The following UGCG variants were observed in gnomAD, a reference collection of about 807,000 sequenced individuals.
UGCG encodes ceramide glucosyltransferase.
A neutral mutation model predicts 49.5 loss-of-function variants in UGCG; 10 were observed. The observed-to-expected ratio is 0.20, with a 90% CI of 0.12 to 0.34. UGCG has a LOEUF of 0.34. Ranked by LOEUF, UGCG falls within the 10% of genes least tolerant of loss-of-function variation. The pLI, the probability that UGCG is intolerant of heterozygous loss-of-function variation, is 1.00. For missense variants in UGCG, 312 were observed against 483.7 expected, an observed-to-expected ratio of 0.65 and a Z score of 3.33; for synonymous variants, 182 against 158.2, an observed-to-expected ratio of 1.15 and a Z score of -1.13.
chr9:111,904,572 AACTAGAGGCTGGGCTTGGTGGCTCAC>A (rs1837841280), intron 1 of UGCG, among the ~76,000 whole-genome samples: 1 of 152,172 alleles, frequency 6.6e-6, no homozygotes, highest in Non-Finnish European at 1.5e-5. Flanking sequence ...TAAAAAATTG[AACTAGAGGCTGGGCTTGGTGGCTCAC>A]ACCTGTAATC....
chr9:111,922,764 C>T (rs1308409375), intron 2 of UGCG, 85 bp from the exon 3 acceptor site: 16 of 872,660 alleles, frequency 1.8e-5, no homozygotes, highest in African/African-American at 3.5e-5. Context: ...CTTGTTTTTT[C>T]CTGTGCTTTT....
chr9:111,929,158 G>A (rs991329343), intron 5 of UGCG: 62 of 210,890 alleles, frequency 2.9e-4, no homozygotes, highest in Non-Finnish European at 3.4e-4. Context: ...ATACAAATAT[G>A]TATATTGATC....
chr9:111,931,236 A>T, intron 6 of UGCG, 35 bp from the exon 7 acceptor site: 1 of 1,602,052 alleles, frequency 6.2e-7, no homozygotes, highest in Non-Finnish European at 8.5e-7. Flanking sequence ...TGTGTTCATC[A>T]TCATAACTTA....
At chr9:111,920,314 T>G (rs1838198142) in intron 2 of UGCG, among the ~76,000 whole-genome samples, 1 of 152,184 alleles carries the variant, frequency 6.6e-6, no homozygotes. Flanking sequence ...GCTAACCTTC[T>G]TCATTAACCT....
intron 6 of UGCG, among the ~76,000 whole-genome samples, chr9:111,930,696 C>T (rs1274428388): frequency 6.6e-6 from 1 of 151,860 alleles, no homozygotes; most frequent in African/African-American, 2.4e-5. Flanking sequence ...TCTTGAACTC[C>T]TGACCTCGTG....
intron 1 of UGCG, among the ~76,000 whole-genome samples, chr9:111,907,405 A>AC (rs1278893333): frequency 1.3e-5 from 2 of 152,218 alleles, no homozygotes; most frequent in Non-Finnish European, 2.9e-5. Context: ...TATTCCAGAA[A>AC]CCAAGAGGGA....
At chr9:111,907,718 G>A (rs566581714) in intron 1 of UGCG, among the ~76,000 whole-genome samples, 112 of 150,772 alleles carry the variant, frequency 7.4e-4, no homozygotes, top group Non-Finnish European at 1.4e-3. Context: ...TCCGCCTCCC[G>A]GATTCAAGTG....
chr9:111,904,116 G>T (rs976382504), intron 1 of UGCG, among the ~76,000 whole-genome samples: 1 of 152,192 alleles, frequency 6.6e-6, no homozygotes, highest in African/African-American at 2.4e-5. Flanking sequence ...TCCAGCACCT[G>T]CCACCTCTTG....
rs140536783 is a variant in UGCG, at chr9:111,913,766, C to T, written c.99-839C>T. Among the ~76,000 whole-genome samples, 721 of 152,082 alleles carry T rather than the reference C, an allele frequency of 4.7e-3. 7 individuals carry two copies. Among genetic ancestry groups the T allele is most frequent in the African/African-American group, 0.016 (676 of 41,486 alleles). ...TGGCATTGCTTCTTTCATTAGGAGC[C>T]CTGCTGTGCTGCAGCATCCTTGCAA... On this transcript the variant is annotated intron_variant, in intron 1 of 8. Transcript: ENST00000374279.
At position 111,934,379 on chromosome 9, in the gene UGCG, G is replaced by T. The variant is rs150761575; in HGVS notation, c.*1382G>T. ...TTTTTTAAAAAAAAAAAACAAAAAT[G>T]TAAGGGACAGTGCATAAGCCTTTTC... On this transcript the variant is annotated 3_prime_UTR_variant, in exon 9 of 9. Coordinates refer to ENST00000374279, the MANE Select transcript of UGCG (RefSeq NM_003358.3). The T allele has an allele frequency of 1.1e-4, 16 of 151,478 alleles. No homozygotes were observed. The highest frequency in any genetic ancestry group is 1.1e-3 in the Admixed American group (16 of 15,208). 9.4% of individuals were successfully genotyped at this position (151,478 alleles called of 1,614,324 possible).
chr9:111,913,658 T>C (rs1372913168), intron 1 of UGCG, among the ~76,000 whole-genome samples: 1 of 150,290 alleles, frequency 6.7e-6, no homozygotes, highest in Admixed American at 6.6e-5. Context: ...CAGGCTGGTC[T>C]CGAACTCCTG....
chr9:111,933,348 TCTTA>T lies in UGCG; in HGVS notation c.*355_*358del, dbSNP rs1453079021. On this transcript the variant is annotated 3_prime_UTR_variant, in exon 9 of 9. Coordinates refer to ENST00000374279, the MANE Select transcript of UGCG (RefSeq NM_003358.3). ...ACAGTATCCTTCAGTAGAGAAAGTT[TCTTA>T]CTTGTGAGTACACTCTTTTAGAACA... 2 of 152,508 alleles carry T rather than the reference TCTTA, an allele frequency of 1.3e-5. No individual in the cohort carries two copies. Among genetic ancestry groups the T allele is most frequent in the African/African-American group, 4.8e-5 (2 of 41,464 alleles). 9.4% of individuals were successfully genotyped at this position (152,508 alleles called of 1,614,324 possible).
At chr9:111,909,187 T>C (rs571071013) in intron 1 of UGCG, among the ~76,000 whole-genome samples, 20 of 152,308 alleles carry the variant, frequency 1.3e-4, no homozygotes, top group Non-Finnish European at 2.1e-4. Flanking sequence ...CCCAAAGTGC[T>C]AGAATTATAA....
At chr9:111,914,960 G>A (rs552208555) in intron 2 of UGCG, 38 of 512,488 alleles carry the variant, frequency 7.4e-5, no homozygotes, top group African/African-American at 4.4e-4. Flanking sequence ...CTATATGTCC[G>A]TGTGAAGTAG....
chr9:111,899,307 A>T (rs1006948730), intron 1 of UGCG, among the ~76,000 whole-genome samples: 1 of 152,228 alleles, frequency 6.6e-6, no homozygotes, highest in South Asian at 2.1e-4. Flanking sequence ...TCCTGGTAAC[A>T]TTGTATGATG....
chr9:111,934,592 C>T lies in UGCG; in HGVS notation c.*1595C>T, dbSNP rs1335931668. On this transcript the variant is annotated 3_prime_UTR_variant, in exon 9 of 9. Transcript: ENST00000374279. ...CATATTTATAGAAAACACTTTTTCA[C>T]TTTACTGAGCCAATTCATTTAATTG... 6.6e-6 allele frequency: 1 copy of T among 152,172 alleles called. No individual in the cohort carries two copies. Among genetic ancestry groups the T allele is most frequent in the African/African-American group, 2.4e-5 (1 of 41,452 alleles). The allele number at this position is 152,172 out of a possible 1,614,324, so 9.4% of individuals were successfully genotyped here.
intron 2 of UGCG, chr9:111,915,713 C>G (rs1158635412): frequency 2.2e-6 from 2 of 902,282 alleles, no homozygotes; most frequent in East Asian, 1.2e-4. Flanking sequence ...GCGCACTACA[C>G]TTCTTATGGT....
In UGCG at chr9:111,935,297, T is replaced by C. The variant is rs1297654940; in HGVS notation, c.*2300T>C. 6.6e-6 allele frequency: 1 copy of C among 152,160 alleles called. No homozygotes were observed. Among genetic ancestry groups the C allele is most frequent in the Non-Finnish European group, 1.5e-5 (1 of 68,028 alleles). The allele number at this position is 152,160 out of a possible 1,614,324, so 9.4% of individuals were successfully genotyped here. A position where few individuals can be genotyped will look rare whatever the true frequency, so the allele number is the denominator to read the frequency against. Reference sequence around the variant, plus strand: ...AAAAAAAACCAGTGTCTAGAATATATACCATGTTTTATTATTTAAAATCAT... The same window carrying C: ...AAAAAAAACCAGTGTCTAGAATATACACCATGTTTTATTATTTAAAATCAT... On this transcript the variant is annotated 3_prime_UTR_variant, in exon 9 of 9. Transcript: ENST00000374279.
chr9:111,918,924 C>CA (rs71373797), intron 2 of UGCG, among the ~76,000 whole-genome samples: 44,920 of 111,276 alleles, frequency 0.4, 7,595 homozygotes, highest in Admixed American at 0.49. Flanking sequence ...GACTCCGTCT[C>CA]AAAAAAAAAA....
Sources: gnomAD v4.1 joint callset for allele counts (sites outside exome capture counted in the v4.1 genomes callset) on GRCh38, gnomAD v4.1.1 for gene constraint, MANE v1.5 for transcripts, NCBI Gene and HGNC (gene_info 2026-07-23, HGNC 2026-07-21) for gene names.